CDHR3: variants seen among roughly 807,000 people sequenced by gnomAD.
CDHR3 encodes cadherin related family member 3, also known as cadherin-related family member 3.
In CDHR3, 79 loss-of-function variants were observed where a neutral mutation model predicts 86.6. That is an observed-to-expected ratio of 0.91 (90% CI 0.76 to 1.10). The LOEUF is 1.10. Among genes scored for constraint, CDHR3 ranks in the 50% least tolerant of loss-of-function variants. CDHR3 has a pLI of 0.00. For synonymous variants in CDHR3, 421 were observed against 402.4 expected, an observed-to-expected ratio of 1.05 and a Z score of -0.55; for missense variants, 1,081 against 1,077.6, an observed-to-expected ratio of 1.00 and a Z score of -0.04.
chr7:106,026,666 CT>C lies in CDHR3; in HGVS notation c.2259-11del. On this transcript the variant is annotated splice_polypyrimidine_tract_variant and intron_variant, in intron 15 of 18. Coordinates refer to ENST00000317716, the MANE Select transcript of CDHR3 (RefSeq NM_152750.5). Reference sequence around the variant, plus strand: ...ACTTTCAAGTGAATTAATAGCCATTCTTTTTCCCCCCATAGGACAAAGAAAG... The same window carrying C: ...ACTTTCAAGTGAATTAATAGCCATTCTTTTCCCCCCATAGGACAAAGAAAG... 1 of 1,613,626 alleles carries C rather than the reference CT, an allele frequency of 6.2e-7. No individual in the cohort carries two copies. The highest frequency in any genetic ancestry group is 8.5e-7 in the Non-Finnish European group (1 of 1,179,564).
chr7:105,984,260 G>A lies in CDHR3; in HGVS notation c.484G>A (p.Glu162Lys), dbSNP rs910609416. 3 of 1,610,236 alleles carry A rather than the reference G, an allele frequency of 1.9e-6. No individual in the cohort carries two copies. The highest frequency in any genetic ancestry group is 2.7e-5 in the African/African-American group (2 of 74,880). ...FIYQVEAFDPEDTSRNIPLSY... is the reference protein window; with the variant it reads ...FIYQVEAFDPKDTSRNIPLSY... ...TTACCAGGTTGAGGCCTTCGATCCAGAAGACACAAGCCGAAACATTCCCCT... is the reference window on the plus strand; with the variant it reads ...TTACCAGGTTGAGGCCTTCGATCCAAAAGACACAAGCCGAAACATTCCCCT... The change falls in exon 4 of 19, where the codon GAA becomes AAA. Residue 162 changes from glutamate to lysine, a missense_variant. Glu to Lys is a moderately conservative substitution (Grantham distance 56). Coordinates refer to ENST00000317716, the MANE Select transcript of CDHR3 (RefSeq NM_152750.5).
At chr7:105,989,252 C>G (rs1427853825) in intron 4 of CDHR3, among the ~76,000 whole-genome samples, 1 of 143,646 alleles carries the variant, frequency 7.0e-6, no homozygotes, top group Admixed American at 6.9e-5. Context: ...GAAGGAGGCT[C>G]TTTGAGACCA....
intron 1 of CDHR3, among the ~76,000 whole-genome samples, chr7:105,971,112 G>T (rs1349935143): frequency 1.4e-5 from 2 of 147,218 alleles, no homozygotes; most frequent in Non-Finnish European, 3.0e-5. Context: ...CTGCATTCCA[G>T]CCTGGGAGAC....
At chr7:106,022,787 C>T (rs1216197052) in intron 14 of CDHR3, among the ~76,000 whole-genome samples, 1 of 152,142 alleles carries the variant, frequency 6.6e-6, no homozygotes, top group Non-Finnish European at 1.5e-5. Flanking sequence ...CCAGTTGCTA[C>T]CTTCACAACC....
chr7:105,972,070 C>T (rs1828064174), intron 1 of CDHR3, among the ~76,000 whole-genome samples: 1 of 152,108 alleles, frequency 6.6e-6, no homozygotes, highest in Non-Finnish European at 1.5e-5. Context: ...TACCATGAGC[C>T]AGGGCCCTCC....
chr7:106,010,332 A>G (rs1165680928), intron 8 of CDHR3, among the ~76,000 whole-genome samples: 1 of 152,260 alleles, frequency 6.6e-6, no homozygotes, highest in East Asian at 1.9e-4. Flanking sequence ...GGACAAGAAT[A>G]CAAACCTCTC....
intron 12 of CDHR3, among the ~76,000 whole-genome samples, chr7:106,019,947 A>G (rs1836294151): frequency 6.6e-6 from 1 of 152,112 alleles, no homozygotes; most frequent in Admixed American, 6.5e-5. Context: ...GGCAGCAGGC[A>G]AGGTGGCACA....
intron 4 of CDHR3, among the ~76,000 whole-genome samples, chr7:105,993,971 T>C (rs1190030757): frequency 2.6e-5 from 4 of 152,192 alleles, no homozygotes; most frequent in Admixed American, 2.6e-4. Flanking sequence ...CCCAAAGATG[T>C]AGGAAGGACT....
intron 3 of CDHR3, 124 bp from the exon 4 acceptor site, chr7:105,984,068 C>A: frequency 2.0e-6 from 1 of 489,690 alleles, no homozygotes; most frequent in Non-Finnish European, 3.6e-6. Flanking sequence ...TTTTTTATTG[C>A]ATTCTTGGTC....
At chr7:105,988,379 G>GT (rs1830834995) in intron 4 of CDHR3, among the ~76,000 whole-genome samples, 1 of 152,230 alleles carries the variant, frequency 6.6e-6, no homozygotes, top group African/African-American at 2.4e-5. Context: ...CAAGGACAGA[G>GT]TTTAACAAAA....
rs1283878523 is a variant in CDHR3 at position 106,030,913 on chromosome 7, C to A, written c.2353+73C>A. ...CTGGTAGAAGCATGGAGGATCTTAT[C>A]CAATTTCCTGCTTTTAGCTCATTTT... On this transcript the variant is annotated intron_variant, in intron 18 of 18. Coordinates refer to ENST00000317716, the MANE Select transcript of CDHR3 (RefSeq NM_152750.5). The surrounding 1 kb of genome is among the most constrained non-coding windows in gnomAD (Gnocchi z 4.8). The A allele has an allele frequency of 5.0e-6, 7 of 1,408,410 alleles. No homozygotes were observed. Among genetic ancestry groups the A allele is most frequent in the Non-Finnish European group, 6.9e-6 (7 of 1,012,944 alleles). 87.2% of individuals were successfully genotyped at this position (1,408,410 alleles called of 1,614,324 possible).
At position 105,974,846 on chromosome 7, in the gene CDHR3, G is replaced by C. The variant is rs746747152; in HGVS notation, c.49G>C (p.Gly17Arg). ...LLALLGAMSG[G>R]EALHLILLPA... ...CCTGCACCCTTTTTACTCCACAGGG[G>C]GAGAAGCACTACACCTAATCCTCTT... Residue 17 changes from glycine to arginine, a missense_variant and splice_region_variant, in exon 2 of 19, where the codon GGA becomes CGA. Physicochemically the swap from Gly to Arg is moderately radical, Grantham distance 125. Coordinates refer to ENST00000317716, the MANE Select transcript of CDHR3 (RefSeq NM_152750.5). 4 of 1,612,658 alleles carry C rather than the reference G, an allele frequency of 2.5e-6. No individual in the cohort carries two copies. The highest frequency in any genetic ancestry group is 3.3e-5 in the Admixed American group (2 of 59,994).
At chr7:105,982,047 GC>G (rs1829821131) in intron 3 of CDHR3, among the ~76,000 whole-genome samples, 1 of 110,558 alleles carries the variant, frequency 9.0e-6, no homozygotes, top group Non-Finnish European at 1.9e-5. Context: ...TGGCCTCCCA[GC>G]CCCCCTGCAG....
chr7:106,006,172 C>A (rs1448183269), intron 8 of CDHR3, among the ~76,000 whole-genome samples: 1 of 152,108 alleles, frequency 6.6e-6, no homozygotes. Context: ...ATCACGAGAA[C>A]AACTCAGGAA....
At chr7:106,007,437 G>C (rs564379871) in intron 8 of CDHR3, among the ~76,000 whole-genome samples, 1 of 152,246 alleles carries the variant, frequency 6.6e-6, no homozygotes, top group Non-Finnish European at 1.5e-5. Context: ...TCATAAAACT[G>C]AATGCCTTTA....
intron 17 of CDHR3, among the ~76,000 whole-genome samples, chr7:106,028,848 C>T (rs938748075): frequency 7.9e-5 from 12 of 152,156 alleles, no homozygotes; most frequent in Admixed American, 3.3e-4. Flanking sequence ...CAGCTCTCCA[C>T]GAGAGTGAGT....
intron 6 of CDHR3, among the ~76,000 whole-genome samples, chr7:105,998,901 T>G (rs539647858): frequency 3.0e-4 from 45 of 152,306 alleles, no homozygotes; most frequent in African/African-American, 1.1e-3. Flanking sequence ...GGTAGGTAGG[T>G]CTTTCTCCCC....
At chr7:105,963,931 T>C (rs2115571889) in intron 1 of CDHR3, among the ~76,000 whole-genome samples, 1 of 152,340 alleles carries the variant, frequency 6.6e-6, no homozygotes, top group Middle Eastern at 3.4e-3. Flanking sequence ...CTTGGATTAT[T>C]GAAATTGAGA....
At chr7:105,986,622 A>G (rs188221651) in intron 4 of CDHR3, among the ~76,000 whole-genome samples, 12 of 152,354 alleles carry the variant, frequency 7.9e-5, no homozygotes, top group East Asian at 7.7e-4. Context: ...CTGAAGTTCA[A>G]TGAAGAATGG....
Sources: allele counts gnomAD v4.1 joint callset (sites outside exome capture counted in the v4.1 genomes callset), GRCh38; gene constraint gnomAD v4.1.1; non-coding constraint Gnocchi (gnomAD v3.1); transcripts MANE v1.5; gene names NCBI Gene and HGNC (gene_info 2026-07-23, HGNC 2026-07-21).